The following TMPRSS12 variants were observed in gnomAD, a reference collection of about 807,000 sequenced individuals.
The protein encoded by TMPRSS12 is transmembrane serine protease 12.
In TMPRSS12, 25 loss-of-function variants were observed where a neutral mutation model predicts 26.0. That is an observed-to-expected ratio of 0.96 (90% CI 0.70 to 1.34). The LOEUF is 1.34. TMPRSS12 is among the 40% of genes most tolerant of loss of function. The pLI is 0.00. For synonymous variants in TMPRSS12, 150 were observed against 161.7 expected (o/e 0.93, Z 0.55); for missense variants, 441 against 440.1 (o/e 1.00, Z -0.02).
intron 2 of TMPRSS12, among the ~76,000 whole-genome samples, chr12:50,853,197 G>T (rs914100749): frequency 1.3e-5 from 2 of 152,074 alleles, no homozygotes; most frequent in African/African-American, 4.8e-5. Context: ...TAATAACATG[G>T]AAATTAAACA....
At chr12:50,876,701 G>A (rs541807435) in intron 3 of TMPRSS12, among the ~76,000 whole-genome samples, 2 of 151,192 alleles carry the variant, frequency 1.3e-5, no homozygotes, top group African/African-American at 2.4e-5. Flanking sequence ...CTACTCAGGA[G>A]GCTGAGGCAG....
At chr12:50,843,284 T>G in intron 1 of TMPRSS12, 133 bp downstream of exon 1, 2 of 813,348 alleles carry the variant, frequency 2.5e-6, no homozygotes, top group African/African-American at 1.7e-5. Flanking sequence ...CCTAAGCAGT[T>G]TCTAGACCGG....
At chr12:50,872,109 A>G (rs1408608474) in intron 3 of TMPRSS12, among the ~76,000 whole-genome samples, 1 of 152,172 alleles carries the variant, frequency 6.6e-6, no homozygotes, top group East Asian at 1.9e-4. Context: ...CCAGAAGAAA[A>G]GAAGTCATTA....
Position 50,870,086 on chromosome 12 carries a change from CAG to C in TMPRSS12, c.652+11034_652+11035del, listed in dbSNP as rs371507064. 3.5e-3 allele frequency among the ~76,000 whole-genome samples: 531 copies of C among 151,522 alleles called. 2 individuals are homozygous for C. Among genetic ancestry groups the C allele is most frequent in the Middle Eastern group, 0.01 (3 of 294 alleles). ...CGACAGAGGGAGACTCCCAGCTACT[CAG>C]GGGGCTAAGGCAGGAGAATTGCTTG... is the stretch of plus-strand genomic sequence containing the variant. On this transcript the variant is annotated intron_variant, in intron 3 of 4. Coordinates refer to ENST00000398458, the MANE Select transcript of TMPRSS12 (RefSeq NM_182559.3).
intron 2 of TMPRSS12, chr12:50,848,119 T>C (rs1937791205): frequency 6.6e-6 from 1 of 152,012 alleles, no homozygotes; most frequent in Non-Finnish European, 1.5e-5. Flanking sequence ...TTTTGCAGGT[T>C]TGGAAACTCT....
intron 1 of TMPRSS12, 41 bp downstream of exon 1, chr12:50,843,192 C>G: frequency 1.3e-6 from 2 of 1,500,438 alleles, no homozygotes; most frequent in Non-Finnish European, 1.8e-6. Flanking sequence ...GCCTCTCTTA[C>G]CTTTTCCCCA....
chr12:50,870,121 G>A (rs1938028493), intron 3 of TMPRSS12, among the ~76,000 whole-genome samples: 1 of 152,064 alleles, frequency 6.6e-6, no homozygotes, highest in Non-Finnish European at 1.5e-5. Flanking sequence ...TTGAACCCGG[G>A]AGGCAGATGT....
intron 2 of TMPRSS12, among the ~76,000 whole-genome samples, chr12:50,850,520 C>T (rs1445261775): frequency 6.6e-6 from 1 of 152,150 alleles, no homozygotes; most frequent in Non-Finnish European, 1.5e-5. Flanking sequence ...GTTGACGCTG[C>T]AGTGAGCCAT....
chr12:50,855,030 G>A (rs1412010058), intron 2 of TMPRSS12, among the ~76,000 whole-genome samples: 2 of 152,134 alleles, frequency 1.3e-5, no homozygotes, highest in African/African-American at 4.8e-5. Flanking sequence ...AAAGAACAAA[G>A]CTGGAGGCAT....
intron 3 of TMPRSS12, among the ~76,000 whole-genome samples, chr12:50,862,165 TG>T (rs1937942653): frequency 1.3e-5 from 2 of 152,168 alleles, no homozygotes; most frequent in Non-Finnish European, 2.9e-5. Flanking sequence ...GTGAGAGCAA[TG>T]ATACCCATCA....
chr12:50,847,960 T>C (rs557079568), intron 2 of TMPRSS12: 33 of 152,052 alleles, frequency 2.2e-4, no homozygotes, highest in African/African-American at 7.9e-4. Flanking sequence ...GGGAGATGCT[T>C]AGGTCTGAGT....
At chr12:50,877,865 A>C (rs7979616) in intron 3 of TMPRSS12, among the ~76,000 whole-genome samples, 52,750 of 152,068 alleles carry the variant, frequency 0.35, 9,401 homozygotes, top group East Asian at 0.44. Context: ...CTGCCTTGGC[A>C]TCCCAAAGTG....
rs1419005207 is a variant in TMPRSS12, at chr12:50,872,551, G to GA, written c.653-12688dup. Among the ~76,000 whole-genome samples, 575 of 102,310 alleles carry GA rather than the reference G, an allele frequency of 5.6e-3. 53 individuals are homozygous for GA. The highest frequency in any genetic ancestry group is 8.5e-3 in the African/African-American group (229 of 26,936). The allele number at this position is 102,310 out of a possible 152,430, so 67.1% of individuals were successfully genotyped here. A position where few individuals can be genotyped will look rare whatever the true frequency, so the allele number is the denominator to read the frequency against. ...AAAAAAAAAAAAAAAAAGGAACTGT[G>GA]AAAAAAATATATATATATGCCATAT... is the stretch of plus-strand genomic sequence containing the variant. On this transcript the variant is annotated intron_variant, in intron 3 of 4. Transcript: ENST00000398458.
At chr12:50,860,637 T>C (rs1937925923) in intron 3 of TMPRSS12, among the ~76,000 whole-genome samples, 1 of 152,006 alleles carries the variant, frequency 6.6e-6, no homozygotes, top group Admixed American at 6.6e-5. Flanking sequence ...AGAGACATGG[T>C]CTTGCTGTGT....
intron 3 of TMPRSS12, among the ~76,000 whole-genome samples, chr12:50,861,352 A>G (rs1320335738): frequency 3.3e-5 from 5 of 151,792 alleles, no homozygotes; most frequent in African/African-American, 1.2e-4. Flanking sequence ...GCTAGGATGT[A>G]GATAAATGTA....
chr12:50,871,643 G>A (rs1324133191), intron 3 of TMPRSS12, among the ~76,000 whole-genome samples: 2 of 152,164 alleles, frequency 1.3e-5, no homozygotes, highest in African/African-American at 4.8e-5. Context: ...AGTCAGCAGA[G>A]TAAACAGACA....
At chr12:50,874,927 G>T (rs1241380328) in intron 3 of TMPRSS12, among the ~76,000 whole-genome samples, 1 of 152,128 alleles carries the variant, frequency 6.6e-6, no homozygotes, top group Non-Finnish European at 1.5e-5. Context: ...GCTGCTGAAA[G>T]AAATCATAGA....
In TMPRSS12 at chr12:50,887,314, T is replaced by G. The variant is rs1283766495; in HGVS notation, c.848T>G (p.Phe283Cys). The G allele has an allele frequency of 3.1e-6, 5 of 1,613,954 alleles. No homozygotes were observed. In the South Asian group the frequency reaches 4.4e-5, roughly 14 times the overall value. ...TACTTACCAGAATATAAAAGATTTT[T>G]TGTAATGGGAATTACCAGTTACGGA... ...MCYLPEYKRFFVMGITSYGHG... is the reference protein window; with the variant it reads ...MCYLPEYKRFCVMGITSYGHG... Residue 283 changes from phenylalanine (F) to cysteine (C), a missense_variant, in exon 5 of 5, where the codon TTT (phenylalanine) becomes TGT (cysteine). By Grantham distance (205) the Phe-to-Cys change is radical (BLOSUM62 -2). Coordinates refer to ENST00000398458, the MANE Select transcript of TMPRSS12 (RefSeq NM_182559.3).
intron 2 of TMPRSS12, among the ~76,000 whole-genome samples, chr12:50,853,758 A>G (rs1420449462): frequency 6.6e-6 from 1 of 152,082 alleles, no homozygotes; most frequent in African/African-American, 2.4e-5. Context: ...GGAACATACA[A>G]CCTCAAAAAA....
Sources: gnomAD v4.1 joint callset for allele counts (sites outside exome capture counted in the v4.1 genomes callset) on GRCh38, gnomAD v4.1.1 for gene constraint, MANE v1.5 for transcripts, NCBI Gene and HGNC (gene_info 2026-07-23, HGNC 2026-07-21) for gene names.